The following BANP variants were observed in gnomAD, a reference collection of about 807,000 sequenced individuals.
BANP encodes BTG3 associated nuclear protein, also known as protein BANP.
A neutral mutation model predicts 68.1 loss-of-function variants in BANP; 11 were observed. The observed-to-expected ratio is 0.16, with a 90% confidence interval of 0.10 to 0.27. The LOEUF (loss-of-function observed/expected upper bound fraction) is 0.27, where lower values mean the gene tolerates loss of function less well. Ranked by LOEUF, BANP falls within the 10% of genes least tolerant of loss-of-function variation. The pLI, the probability that BANP is intolerant of heterozygous loss-of-function variation, is 1.00. For synonymous variants in BANP, 329 were observed against 303.2 expected, an observed-to-expected ratio of 1.09 and a Z score of -0.88; for missense variants, 504 against 722.7, an observed-to-expected ratio of 0.70 and a Z score of 3.47.
intron 9 of BANP, among the ~76,000 whole-genome samples, chr16:88,034,376 AAGAG>A (rs897190432): frequency 2.0e-5 from 3 of 152,246 alleles, no homozygotes; most frequent in African/African-American, 2.4e-5. Flanking sequence ...CATTTCGACT[AAGAG>A]AGAATTTCAA....
chr16:87,974,701 C>T (rs2145758764), intron 1 of BANP, among the ~76,000 whole-genome samples: 1 of 152,148 alleles, frequency 6.6e-6, no homozygotes. Flanking sequence ...AGAGCGTTTG[C>T]TGTAGTCAGT....
chr16:87,971,849 G>A (rs2061190286), intron 1 of BANP, among the ~76,000 whole-genome samples: 1 of 152,148 alleles, frequency 6.6e-6, no homozygotes, highest in Non-Finnish European at 1.5e-5. Flanking sequence ...GTGGAGTGTA[G>A]TGGTGCGATC....
At chr16:88,062,757 G>A (rs1044164351) in intron 11 of BANP, among the ~76,000 whole-genome samples, 3 of 152,188 alleles carry the variant, frequency 2.0e-5, no homozygotes, top group Non-Finnish European at 4.4e-5. Flanking sequence ...ACATAAAGCC[G>A]GCAGGGAGAG....
intron 11 of BANP, among the ~76,000 whole-genome samples, chr16:88,049,487 A>G (rs2082757129): frequency 6.6e-6 from 1 of 152,062 alleles, no homozygotes; most frequent in South Asian, 2.1e-4. Flanking sequence ...ACTTCGTGAC[A>G]TTAGCATTCC....
chr16:88,023,876 G>A (rs2076476356), intron 7 of BANP, among the ~76,000 whole-genome samples: 1 of 152,232 alleles, frequency 6.6e-6, no homozygotes, highest in Admixed American at 6.5e-5. Flanking sequence ...GCTGAGCCTG[G>A]AAGGCAATCC....
chr16:87,955,069 C>T (rs2057774828), intron 1 of BANP, among the ~76,000 whole-genome samples: 1 of 152,236 alleles, frequency 6.6e-6, no homozygotes, highest in Admixed American at 6.5e-5. Context: ...AGCAAAGACC[C>T]TGACTTTGGC....
chr16:88,022,271 C>T (rs1264114732), intron 7 of BANP, among the ~76,000 whole-genome samples: 2 of 152,142 alleles, frequency 1.3e-5, no homozygotes, highest in South Asian at 2.1e-4. Context: ...GCATCCAAGC[C>T]GGTGACCCCG....
Position 88,061,618 on chromosome 16 carries a change from T to C in BANP, c.1312-3649T>C, listed in dbSNP as rs139355210. On this transcript the variant is annotated intron_variant, in intron 11 of 13. Coordinates refer to ENST00000682872, the MANE Select transcript of BANP (RefSeq NM_001386991.1). ...ACGTAGGAGAAAGATTTTAGGCCAG[T>C]TGGGGGCATCACTGGGATGAGCCTC... Among the ~76,000 whole-genome samples, 43 of 152,326 alleles carry C rather than the reference T, an allele frequency of 2.8e-4. 1 individual carries two copies. In the East Asian group the frequency reaches 6.7e-3, roughly 24 times the overall value.
chr16:88,058,394 T>G (rs2085723337), intron 11 of BANP, among the ~76,000 whole-genome samples: 1 of 152,162 alleles, frequency 6.6e-6, no homozygotes, highest in Non-Finnish European at 1.5e-5. Flanking sequence ...CTGGGCCCTG[T>G]AAGGCCTTAG....
intron 6 of BANP, among the ~76,000 whole-genome samples, chr16:88,006,947 CAAAAAA>C (rs11349895): frequency 2.4e-5 from 2 of 81,672 alleles, no homozygotes; most frequent in African/African-American, 5.0e-5. Context: ...GACTCTGTCT[CAAAAAA>C]AAAAAAAAAA....
rs2078573502 is a variant in BANP at position 88,033,153 on chromosome 16, C to T, written c.1108C>T (p.Pro370Ser). Residue 370 changes from proline to serine, a missense_variant, in exon 9 of 14, where the codon CCA becomes TCA. Physicochemically the swap from Pro to Ser is moderately conservative, Grantham distance 74. Transcript: ENST00000682872. Reference protein sequence around the residue: ...TPPPASELPQPQPQPQALHYA... With the variant: ...TPPPASELPQSQPQPQALHYA... ...ACCTCCTGCCAGCGAGCTCCCGCAG[C>T]CACAGCCGCAGCCGCAGGCCCTGCA... The T allele has an allele frequency of 6.2e-7, 1 of 1,609,998 alleles. No homozygotes were observed. Among genetic ancestry groups the T allele is most frequent in the Non-Finnish European group, 8.5e-7 (1 of 1,177,156 alleles).
chr16:88,070,541 G>A (rs1447672018), intron 12 of BANP, among the ~76,000 whole-genome samples: 1 of 152,206 alleles, frequency 6.6e-6, no homozygotes, highest in African/African-American at 2.4e-5. Context: ...CGAGGCTGGT[G>A]TGCTCGCAAG....
intron 6 of BANP, among the ~76,000 whole-genome samples, chr16:88,010,836 A>G (rs1273928421): frequency 4.7e-5 from 7 of 150,354 alleles, no homozygotes; most frequent in Admixed American, 1.3e-4. Context: ...GGAAAGGAGA[A>G]CGTGTAGCCA....
In BANP at chr16:88,036,945, A is replaced by G. The variant is rs1598721530; in HGVS notation, c.1273-1028A>G. Reference sequence around the variant, plus strand: ...GGCCTGAGTGGCTGCGAGGTGCAGGATCCCAGCAGCACCTTCCAGTGCAGG... The same window carrying G: ...GGCCTGAGTGGCTGCGAGGTGCAGGGTCCCAGCAGCACCTTCCAGTGCAGG... On this transcript the variant is annotated intron_variant, in intron 10 of 13. Transcript: ENST00000682872. This position sits in a 1 kb window ranked among gnomAD's most constrained non-coding sequence, Gnocchi z 4.2. 6.6e-6 allele frequency among the ~76,000 whole-genome samples: 1 copy of G among 152,272 alleles called. No homozygotes were observed. The highest frequency in any genetic ancestry group is 1.5e-5 in the Non-Finnish European group (1 of 68,018).
chr16:88,029,483 C>T (rs1327340822), intron 8 of BANP, among the ~76,000 whole-genome samples: 3 of 149,268 alleles, frequency 2.0e-5, no homozygotes, highest in Non-Finnish European at 3.0e-5. Context: ...TGGTGGCTGG[C>T]GCCTGTAGTC....
intron 13 of BANP, among the ~76,000 whole-genome samples, chr16:88,075,216 G>C (rs2091324498): frequency 6.6e-6 from 1 of 152,160 alleles, no homozygotes. Flanking sequence ...CATGGTGGCA[G>C]GTGCCTGTAA....
At chr16:87,964,608 C>T (rs1250492449) in intron 1 of BANP, among the ~76,000 whole-genome samples, 5 of 151,128 alleles carry the variant, frequency 3.3e-5, no homozygotes, top group African/African-American at 1.2e-4. Flanking sequence ...CCTCGGAGGG[C>T]TTAGAGCAGA....
At chr16:88,053,137 A>C (rs2083715567) in intron 11 of BANP, among the ~76,000 whole-genome samples, 1 of 151,950 alleles carries the variant, frequency 6.6e-6, no homozygotes, top group Admixed American at 6.6e-5. Context: ...CATCTCCATC[A>C]TCATCATCAC....
At chr16:88,037,345 C>T (rs960357360) in intron 10 of BANP, 4 of 152,334 alleles carry the variant, frequency 2.6e-5, no homozygotes, top group East Asian at 1.9e-4. Flanking sequence ...ATAATACTAA[C>T]GATGGCTTTG....
Sources: allele counts gnomAD v4.1 joint callset (sites outside exome capture counted in the v4.1 genomes callset), GRCh38; gene constraint gnomAD v4.1.1; non-coding constraint Gnocchi (gnomAD v3.1); transcripts MANE v1.5; gene names NCBI Gene and HGNC (gene_info 2026-07-23, HGNC 2026-07-21).